The following LDLRAD4 variants were observed in gnomAD, a reference collection of about 807,000 sequenced individuals.
The protein encoded by LDLRAD4 is low density lipoprotein receptor class A domain containing 4.
Under a neutral mutation model 17.0 loss-of-function variants are expected in LDLRAD4, and 5 were observed. The observed-to-expected ratio is 0.29, with a 90% CI of 0.15 to 0.62. The LOEUF is 0.62. LDLRAD4 is among the 20% of genes least tolerant of loss of function. The probability of loss-of-function intolerance (pLI) is 0.84; values close to 1 mark genes in which losing one functional copy is unlikely to be tolerated. For synonymous variants in LDLRAD4, 168 were observed against 171.8 expected (o/e 0.98, Z 0.17); for missense variants, 340 against 424.7 (o/e 0.80, Z 1.75).
intron 1 of LDLRAD4, among the ~76,000 whole-genome samples, chr18:13,353,837 T>C (rs1404421681): frequency 6.6e-6 from 1 of 152,256 alleles, no homozygotes; most frequent in Non-Finnish European, 1.5e-5. Context: ...GCTTCTTCAG[T>C]AGGCATTTGC....
At chr18:13,582,235 G>A (rs2094871144) in intron 3 of LDLRAD4, among the ~76,000 whole-genome samples, 1 of 152,262 alleles carries the variant, frequency 6.6e-6, no homozygotes, top group Admixed American at 6.5e-5. Flanking sequence ...GCAATGGCCA[G>A]TTTTCTTTGC....
intron 1 of LDLRAD4, among the ~76,000 whole-genome samples, chr18:13,263,244 G>A (rs1218430359): frequency 3.3e-5 from 5 of 150,574 alleles, no homozygotes; most frequent in Admixed American, 6.6e-5. Context: ...AGTCCCGTGC[G>A]GCTCTGCGTG....
intron 3 of LDLRAD4, chr18:13,490,462 G>A (rs1212954592): frequency 6.6e-6 from 1 of 152,178 alleles, no homozygotes; most frequent in South Asian, 2.1e-4. Context: ...TTGGATAAGG[G>A]ATACCCAACC....
chr18:13,518,271 C>T (rs1232469233), intron 3 of LDLRAD4, among the ~76,000 whole-genome samples: 3 of 152,194 alleles, frequency 2.0e-5, no homozygotes, highest in African/African-American at 4.8e-5. Context: ...GCTTTTACAT[C>T]CTGGGTAACT....
chr18:13,433,995 G>T (rs2090502260), intron 2 of LDLRAD4, among the ~76,000 whole-genome samples: 2 of 152,184 alleles, frequency 1.3e-5, no homozygotes, highest in Admixed American at 1.3e-4. Context: ...CCAGCTTCGG[G>T]TAAGTCAGGC....
exon 2 of LDLRAD4, chr18:13,387,493 C>T (rs1391707823): frequency 8.3e-6 from 4 of 479,672 alleles, no homozygotes; most frequent in Non-Finnish European, 1.1e-5. Context: ...GGCCTCCGCG[C>T]CCTGGCTGGA....
chr18:13,293,289 G>A (rs968732136), intron 1 of LDLRAD4, among the ~76,000 whole-genome samples: 6 of 152,174 alleles, frequency 3.9e-5, no homozygotes, highest in African/African-American at 7.2e-5. Context: ...CTGCTGTGAC[G>A]TTTTGCCACA....
chr18:13,375,767 C>G (rs1413973333), intron 1 of LDLRAD4, among the ~76,000 whole-genome samples: 1 of 152,200 alleles, frequency 6.6e-6, no homozygotes, highest in Non-Finnish European at 1.5e-5. Flanking sequence ...GCACCCTCTT[C>G]CTCCCTGCCA....
At chr18:13,477,533 G>A (rs2092973800) in intron 3 of LDLRAD4, among the ~76,000 whole-genome samples, 1 of 152,206 alleles carries the variant, frequency 6.6e-6, no homozygotes, top group Non-Finnish European at 1.5e-5. Flanking sequence ...CAGGCAGCAT[G>A]GCTTGGATGT....
intron 3 of LDLRAD4, among the ~76,000 whole-genome samples, chr18:13,550,864 G>A (rs2094426511): frequency 6.6e-6 from 1 of 152,086 alleles, no homozygotes; most frequent in African/African-American, 2.4e-5. Context: ...ACTTCTGTTT[G>A]GGATGTCCCA....
intron 3 of LDLRAD4, among the ~76,000 whole-genome samples, chr18:13,518,559 G>A (rs2093906227): frequency 6.6e-6 from 1 of 152,112 alleles, no homozygotes; most frequent in Non-Finnish European, 1.5e-5. Flanking sequence ...TGTTTATGCT[G>A]GATCTCACTC....
At chr18:13,283,370 C>T (rs953261745) in intron 1 of LDLRAD4, among the ~76,000 whole-genome samples, 5 of 152,220 alleles carry the variant, frequency 3.3e-5, no homozygotes, top group Admixed American at 3.3e-4. Context: ...TTAACAGCAC[C>T]CAAGTCACCT....
At chr18:13,244,368 C>T (rs1485275833) in intron 1 of LDLRAD4, among the ~76,000 whole-genome samples, 3 of 152,028 alleles carry the variant, frequency 2.0e-5, no homozygotes, top group Admixed American at 6.6e-5. Context: ...TTCATCCACC[C>T]ATCTGTCCTA....
At chr18:13,650,307 G>T in exon 6 of LDLRAD4, 1 of 403,034 alleles carries the variant, frequency 2.5e-6, no homozygotes, top group Non-Finnish European at 4.4e-6. Context: ...TGCTGTCTGA[G>T]TGTAGGAATG....
chr18:13,249,103 G>C (rs956386013), intron 1 of LDLRAD4, among the ~76,000 whole-genome samples: 2 of 152,290 alleles, frequency 1.3e-5, no homozygotes, highest in Middle Eastern at 3.4e-3. Flanking sequence ...TGGCTGATTG[G>C]TACGCCATGG....
chr18:13,365,253 T>A (rs535498074), intron 1 of LDLRAD4, among the ~76,000 whole-genome samples: 1 of 152,340 alleles, frequency 6.6e-6, no homozygotes, highest in South Asian at 2.1e-4. Context: ...CCTTGAGAGC[T>A]GGTTCCATGA....
chr18:13,429,888 T>C (rs930502198), intron 2 of LDLRAD4, among the ~76,000 whole-genome samples: 2 of 152,186 alleles, frequency 1.3e-5, no homozygotes, highest in African/African-American at 2.4e-5. Flanking sequence ...CACTTTATCA[T>C]AGGAATCTAG....
intron 3 of LDLRAD4, among the ~76,000 whole-genome samples, chr18:13,463,935 G>A (rs769138693): frequency 7.2e-5 from 11 of 152,198 alleles, no homozygotes; most frequent in Admixed American, 2.6e-4. Context: ...CTTATATGTG[G>A]AGAAAACAGA....
At chr18:13,372,495 A>C (rs1211233253) in intron 1 of LDLRAD4, among the ~76,000 whole-genome samples, 1 of 152,146 alleles carries the variant, frequency 6.6e-6, no homozygotes, top group Non-Finnish European at 1.5e-5. Flanking sequence ...AAAAATACAG[A>C]GAACAAAACA....
Sources: allele counts gnomAD v4.1 joint callset (sites outside exome capture counted in the v4.1 genomes callset), GRCh38; gene constraint gnomAD v4.1.1; transcripts MANE v1.5; gene names NCBI Gene and HGNC (gene_info 2026-07-23, HGNC 2026-07-21).